Variants in UGGT2 observed in about 807,000 individuals in gnomAD.
UGGT2 encodes UDP-glucose glycoprotein glucosyltransferase 2.
In UGGT2, 180 loss-of-function variants were observed where a neutral mutation model predicts 192.1. That is an observed-to-expected ratio of 0.94 (90% CI 0.83 to 1.06). The LOEUF (loss-of-function observed/expected upper bound fraction) is 1.06, where lower values mean the gene tolerates loss of function less well. UGGT2 is among the 50% of genes least tolerant of loss of function. The probability of loss-of-function intolerance (pLI) is 0.00; values close to 1 mark genes in which losing one functional copy is unlikely to be tolerated. For missense variants in UGGT2, 1,849 were observed against 1,795.7 expected (o/e 1.03, Z -0.54); for synonymous variants, 580 against 591.0 (o/e 0.98, Z 0.27).
chr13:96,017,218 G>C (rs554969772), intron 4 of UGGT2, among the ~76,000 whole-genome samples: 1 of 152,176 alleles, frequency 6.6e-6, no homozygotes. Flanking sequence ...ATGTTGGAAC[G>C]AGTTAAGACA....
At chr13:95,915,976 C>T (rs768635268) in intron 20 of UGGT2, among the ~76,000 whole-genome samples, 8 of 152,202 alleles carry the variant, frequency 5.3e-5, no homozygotes, top group African/African-American at 1.7e-4. Flanking sequence ...TCCACTCAGC[C>T]GGCTCTGGAG....
At chr13:95,821,325 T>A (rs1375335282) in intron 38 of UGGT2, among the ~76,000 whole-genome samples, 4 of 152,214 alleles carry the variant, frequency 2.6e-5, no homozygotes, top group Admixed American at 2.6e-4. Context: ...TTAACTTGTA[T>A]TTCCCTGCTG....
At chr13:95,999,330 TA>T in intron 5 of UGGT2, 23 bp from the exon 6 acceptor site, 1 of 1,606,024 alleles carries the variant, frequency 6.2e-7, no homozygotes, top group Non-Finnish European at 8.5e-7. Flanking sequence ...ATTTATTTTA[TA>T]AAAAGCGAAA....
At chr13:95,921,808 G>A (rs886982183) in intron 20 of UGGT2, among the ~76,000 whole-genome samples, 1 of 152,144 alleles carries the variant, frequency 6.6e-6, no homozygotes, top group East Asian at 1.9e-4. Flanking sequence ...CAGAGAAAAA[G>A]GGAATGCCTA....
chr13:96,037,591 A>T (rs1048569761), intron 1 of UGGT2, among the ~76,000 whole-genome samples: 1 of 152,218 alleles, frequency 6.6e-6, no homozygotes, highest in Middle Eastern at 3.2e-3. Flanking sequence ...TATGCACTCA[A>T]ATTTCCAGGA....
Position 95,927,397 on chromosome 13 carries a change from T to TA in UGGT2, c.1978-62dup. ...CAATTTATATCCATGTTTCAAAAAG[T>TA]ATGCAGATAACACAAAGATTACTTA... On this transcript the variant is annotated intron_variant, in intron 17 of 38. Coordinates refer to ENST00000376747, the MANE Select transcript of UGGT2 (RefSeq NM_020121.4). 2.1e-6 allele frequency: 3 copies of TA among 1,406,194 alleles called. No individual in the cohort carries two copies. The South Asian group carries it at 4.4e-5, about 21-fold the overall frequency. 87.1% of individuals were successfully genotyped at this position (1,406,194 alleles called of 1,614,324 possible). A position where few individuals can be genotyped will look rare whatever the true frequency, so the allele number is the denominator to read the frequency against.
intron 38 of UGGT2, among the ~76,000 whole-genome samples, chr13:95,822,790 A>C (rs1885642567): frequency 1.3e-5 from 2 of 151,590 alleles, no homozygotes; most frequent in African/African-American, 4.8e-5. Context: ...TGTTTGTTTC[A>C]ATTTCATTTA....
chr13:95,823,363 G>A (rs570335915), intron 38 of UGGT2, among the ~76,000 whole-genome samples: 13 of 152,094 alleles, frequency 8.5e-5, no homozygotes, highest in Non-Finnish European at 1.9e-4. Context: ...TGTCAGTGGA[G>A]TACTTAAGTC....
At chr13:95,855,710 A>T (rs1188740261) in intron 34 of UGGT2, among the ~76,000 whole-genome samples, 2 of 152,148 alleles carry the variant, frequency 1.3e-5, no homozygotes, top group African/African-American at 4.8e-5. Flanking sequence ...CTTAAGAGAT[A>T]GAGTGATGAG....
intron 38 of UGGT2, among the ~76,000 whole-genome samples, chr13:95,825,458 C>T (rs373625179): frequency 1.5e-4 from 23 of 152,284 alleles, no homozygotes; most frequent in African/African-American, 4.3e-4. Context: ...CAGACTCACT[C>T]TTATCCCAGT....
At chr13:95,925,620 T>C in intron 20 of UGGT2, 60 bp downstream of exon 20, 1 of 1,156,682 alleles carries the variant, frequency 8.6e-7, no homozygotes, top group Non-Finnish European at 1.2e-6. Context: ...ATGTTCTTCA[T>C]ATTGCTTTCC....
At chr13:95,826,397 G>T (rs1183049791) in intron 38 of UGGT2, among the ~76,000 whole-genome samples, 1 of 152,052 alleles carries the variant, frequency 6.6e-6, no homozygotes, top group Admixed American at 6.6e-5. Context: ...ACAGTGTGAT[G>T]TACAATGATC....
chr13:95,931,978 C>A (rs2049296199), intron 17 of UGGT2, among the ~76,000 whole-genome samples: 1 of 152,194 alleles, frequency 6.6e-6, no homozygotes, highest in Non-Finnish European at 1.5e-5. Context: ...GCCACCAGCA[C>A]ATTGTCACCT....
chr13:95,920,516 C>T (rs1386665599), intron 20 of UGGT2, among the ~76,000 whole-genome samples: 1 of 151,392 alleles, frequency 6.6e-6, no homozygotes, highest in East Asian at 1.9e-4. Flanking sequence ...AAACAAACGA[C>T]AAAGTGGACA....
At chr13:95,802,307 G>C (rs1229419704) in intron 38 of UGGT2, among the ~76,000 whole-genome samples, 4 of 152,178 alleles carry the variant, frequency 2.6e-5, no homozygotes, top group Non-Finnish European at 5.9e-5. Context: ...GACTCTCAGA[G>C]AACAAAATGG....
chr13:95,811,588 C>T (rs965204103), intron 38 of UGGT2, among the ~76,000 whole-genome samples: 2 of 152,154 alleles, frequency 1.3e-5, no homozygotes, highest in Non-Finnish European at 2.9e-5. Flanking sequence ...TTGAACTATA[C>T]ACTTTGAATT....
intron 5 of UGGT2, 63 bp downstream of exon 5, chr13:96,013,244 G>T: frequency 6.9e-7 from 1 of 1,441,896 alleles, no homozygotes; most frequent in Non-Finnish European, 9.3e-7. Context: ...CTAGTAAGAC[G>T]ATTATCATAA....
chr13:96,001,213 C>T (rs1012822876), intron 5 of UGGT2, among the ~76,000 whole-genome samples: 3 of 152,148 alleles, frequency 2.0e-5, no homozygotes, highest in Admixed American at 6.5e-5. Flanking sequence ...TGCCCTGCCC[C>T]ACCTTAACTG....
chr13:95,950,699 A>T (rs1455492283), intron 12 of UGGT2, among the ~76,000 whole-genome samples: 1 of 151,838 alleles, frequency 6.6e-6, no homozygotes, highest in Non-Finnish European at 1.5e-5. Flanking sequence ...CTAAAAAGAA[A>T]AATTTTGACA....
Sources: allele counts gnomAD v4.1 joint callset (sites outside exome capture counted in the v4.1 genomes callset), GRCh38; gene constraint gnomAD v4.1.1; transcripts MANE v1.5; gene names NCBI Gene and HGNC (gene_info 2026-07-23, HGNC 2026-07-21).